CD80: variants seen among roughly 807,000 people sequenced by gnomAD.
The protein encoded by CD80 is T-lymphocyte activation antigen CD80.
Under a neutral mutation model 27.1 loss-of-function variants are expected in CD80, and 13 were observed. The ratio of observed to expected loss-of-function variants is 0.48; its 90% CI spans 0.31 to 0.76. CD80 has a LOEUF of 0.76. Ranked by LOEUF, CD80 falls within the 30% of genes least tolerant of loss-of-function variation. CD80 has a pLI of 0.04. For missense variants in CD80, 277 were observed against 347.9 expected (o/e 0.80, Z 1.62); for synonymous variants, 125 against 125.5 (o/e 1.00, Z 0.03).
intron 4 of CD80, among the ~76,000 whole-genome samples, chr3:119,532,803 T>C (rs1175732261): frequency 6.6e-6 from 1 of 152,184 alleles, no homozygotes; most frequent in African/African-American, 2.4e-5. Context: ...TTTTCTCATC[T>C]CCCACCTAGT....
rs905659742 is a variant in CD80 at position 119,524,479 on chromosome 3, T to C, written c.*1309A>G. 1.3e-5 allele frequency: 2 copies of C among 152,006 alleles called. No individual in the cohort carries two copies. Among genetic ancestry groups the C allele is most frequent in the African/African-American group, 4.8e-5 (2 of 41,258 alleles). The allele number at this position is 152,006 out of a possible 1,614,324, so 9.4% of individuals were successfully genotyped here. A position where few individuals can be genotyped will look rare whatever the true frequency, so the allele number is the denominator to read the frequency against. On this transcript the variant is annotated 3_prime_UTR_variant, in exon 7 of 7. Coordinates refer to ENST00000264246, the MANE Select transcript of CD80 (RefSeq NM_005191.4). ...AAACACTGCTAGTACCTTATGTTGG[T>C]GTTAGACCTCTCTGCCCTACACTGA... is the stretch of plus-strand genomic sequence containing the variant.
At chr3:119,553,947 G>T (rs1311776431) in intron 2 of CD80, among the ~76,000 whole-genome samples, 1 of 152,184 alleles carries the variant, frequency 6.6e-6, no homozygotes, top group Non-Finnish European at 1.5e-5. Context: ...CGACAGGGCT[G>T]GTGTCAGCCC....
At chr3:119,543,445 C>A (rs2082181607) in intron 3 of CD80, among the ~76,000 whole-genome samples, 1 of 151,134 alleles carries the variant, frequency 6.6e-6, no homozygotes, top group African/African-American at 2.4e-5. Context: ...GAAATGCTCA[C>A]CCTCCTCTGT....
intron 3 of CD80, among the ~76,000 whole-genome samples, chr3:119,539,521 A>C (rs1167526913): frequency 1.3e-5 from 2 of 152,070 alleles, no homozygotes; most frequent in African/African-American, 4.8e-5. Flanking sequence ...TTTTCTTACT[A>C]TTTTGATATG....
In CD80 at chr3:119,541,326, G is replaced by A. The variant is rs141466903; in HGVS notation, c.418+3224C>T. Among the ~76,000 whole-genome samples, 22 of 152,332 alleles carry A rather than the reference G, an allele frequency of 1.4e-4. No individual in the cohort carries two copies. The East Asian group carries it at 4.2e-3, about 29-fold the overall frequency. On this transcript the variant is annotated intron_variant, in intron 3 of 6. Coordinates refer to ENST00000264246, the MANE Select transcript of CD80 (RefSeq NM_005191.4). ...AAAAATCCATTAACCTAGTTAAGCT[G>A]TTAACGAATGTAGCTAGTTCTCAAA...
At chr3:119,559,065 C>T (rs59569688) in intron 1 of CD80, among the ~76,000 whole-genome samples, 26,955 of 152,120 alleles carry the variant, frequency 0.18, 2,688 homozygotes, top group Middle Eastern at 0.29. Flanking sequence ...AAGATAGAAT[C>T]TTGCTCTGTC....
At chr3:119,551,344 G>A (rs2082230673) in intron 2 of CD80, among the ~76,000 whole-genome samples, 2 of 152,112 alleles carry the variant, frequency 1.3e-5, no homozygotes, top group Non-Finnish European at 2.9e-5. Context: ...ATTTAATTCC[G>A]GGTGCAACAG....
At chr3:119,551,324 T>C (rs60650597) in intron 2 of CD80, among the ~76,000 whole-genome samples, 2,722 of 152,304 alleles carry the variant, frequency 0.018, 77 homozygotes, top group African/African-American at 0.061. Flanking sequence ...CTAAAGGTTT[T>C]GTGTTGGAAA....
chr3:119,553,092 T>C (rs1300827169), intron 2 of CD80, among the ~76,000 whole-genome samples: 2 of 150,230 alleles, frequency 1.3e-5, no homozygotes, highest in African/African-American at 4.9e-5. Context: ...TAAAACCCAC[T>C]GAATTGTACA....
chr3:119,535,227 GATCTAGAGTAA>G (rs2082130690), intron 4 of CD80, among the ~76,000 whole-genome samples: 1 of 150,794 alleles, frequency 6.6e-6, no homozygotes, highest in Non-Finnish European at 1.5e-5. Flanking sequence ...AACACTGAAA[GATCTAGAGTAA>G]ATCATACACT....
chr3:119,532,320 AG>A (rs1163268601), intron 4 of CD80, among the ~76,000 whole-genome samples: 1 of 151,992 alleles, frequency 6.6e-6, no homozygotes, highest in Non-Finnish European at 1.5e-5. Flanking sequence ...TGGCCAACAT[AG>A]TGAAACCCTG....
intron 4 of CD80, among the ~76,000 whole-genome samples, chr3:119,534,321 G>A (rs540190625): frequency 3.4e-5 from 5 of 146,810 alleles, no homozygotes; most frequent in African/African-American, 7.5e-5. Flanking sequence ...GCAGTGAGCC[G>A]AGACCACACC....
chr3:119,553,803 A>G (rs1180354930), intron 2 of CD80, among the ~76,000 whole-genome samples: 1 of 152,262 alleles, frequency 6.6e-6, no homozygotes, highest in African/African-American at 2.4e-5. Flanking sequence ...CATTCTTAGA[A>G]AGAATGGAAG....
chr3:119,531,085 G>C (rs980987581), intron 4 of CD80, among the ~76,000 whole-genome samples: 1 of 152,262 alleles, frequency 6.6e-6, no homozygotes, highest in Non-Finnish European at 1.5e-5. Context: ...GCATGAACAA[G>C]AGCCCCTGCT....
Position 119,527,724 on chromosome 3 carries a change from G to A in CD80, c.*38+9C>T, listed in dbSNP as rs781295426. On this transcript the variant is annotated intron_variant, in intron 6 of 6. Coordinates refer to ENST00000264246, the MANE Select transcript of CD80 (RefSeq NM_005191.4). ...ATCCATGTATCCCAGAAGAGATGACGGAGGCTACCTTCAGATCTTTTCAGC... is the reference window on the plus strand; with the variant it reads ...ATCCATGTATCCCAGAAGAGATGACAGAGGCTACCTTCAGATCTTTTCAGC... The A allele has an allele frequency of 4.0e-6, 6 of 1,487,132 alleles. No homozygotes were observed. The highest frequency in any genetic ancestry group is 2.8e-5 in the African/African-American group (2 of 72,322). 92.1% of individuals were successfully genotyped at this position (1,487,132 alleles called of 1,614,324 possible). A position where few individuals can be genotyped will look rare whatever the true frequency, so the allele number is the denominator to read the frequency against.
intron 2 of CD80, among the ~76,000 whole-genome samples, chr3:119,556,661 C>T (rs183235579): frequency 1.1e-4 from 17 of 152,288 alleles, no homozygotes; most frequent in Admixed American, 1.1e-3. Flanking sequence ...TCTTCTCTTC[C>T]CTCTACCTCT....
rs1196546133 is a variant in CD80 at position 119,524,316 on chromosome 3, T to C, written c.*1472A>G. 1.3e-5 allele frequency: 2 copies of C among 152,264 alleles called. No individual in the cohort carries two copies. Among genetic ancestry groups the C allele is most frequent in the African/African-American group, 4.8e-5 (2 of 41,466 alleles). 9.4% of individuals were successfully genotyped at this position (152,264 alleles called of 1,614,324 possible). ...CATTATTAAAGAAACGGTTCAACTT[T>C]GTTTCTTCCCTTAGTATTGCTGACA... On this transcript the variant is annotated 3_prime_UTR_variant, in exon 7 of 7. Transcript: ENST00000264246.
intron 3 of CD80, among the ~76,000 whole-genome samples, chr3:119,540,768 G>T (rs2082163675): frequency 6.6e-6 from 1 of 152,150 alleles, no homozygotes; most frequent in Non-Finnish European, 1.5e-5. Flanking sequence ...TCTTTTCAAG[G>T]CCAGGTGTGC....
At chr3:119,541,157 G>C (rs959339933) in intron 3 of CD80, among the ~76,000 whole-genome samples, 2 of 152,104 alleles carry the variant, frequency 1.3e-5, no homozygotes, top group African/African-American at 4.8e-5. Flanking sequence ...CTGAGGTCTT[G>C]TGAGATTGTG....
Sources: allele counts gnomAD v4.1 joint callset (sites outside exome capture counted in the v4.1 genomes callset), GRCh38; gene constraint gnomAD v4.1.1; transcripts MANE v1.5; gene names NCBI Gene and HGNC (gene_info 2026-07-23, HGNC 2026-07-21).